Variants in BAIAP2L1 observed in about 807,000 individuals in gnomAD.
The protein encoded by BAIAP2L1 is BAR/IMD domain-containing adapter protein 2-like 1.
A neutral mutation model predicts 66.3 loss-of-function variants in BAIAP2L1; 35 were observed. That is an observed-to-expected ratio of 0.53 (90% confidence interval 0.40 to 0.70). The LOEUF (loss-of-function observed/expected upper bound fraction) is 0.70. Ranked by LOEUF, BAIAP2L1 falls within the 30% of genes least tolerant of loss-of-function variation. The pLI is 0.00. For synonymous variants in BAIAP2L1, 269 were observed against 248.7 expected (o/e 1.08, Z -0.77); for missense variants, 622 against 656.9 (o/e 0.95, Z 0.58).
intron 7 of BAIAP2L1, 138 bp from the exon 8 acceptor site, chr7:98,312,402 A>T (rs1800906761): frequency 2.3e-6 from 2 of 853,192 alleles, no homozygotes; most frequent in African/African-American, 3.4e-5. Flanking sequence ...AAACTCGGTG[A>T]GCACTTTAAG....
At chr7:98,307,616 A>G in intron 10 of BAIAP2L1, 73 bp downstream of exon 10, 1 of 1,588,060 alleles carries the variant, frequency 6.3e-7, no homozygotes, top group South Asian at 1.1e-5. Flanking sequence ...CCACGAAGAC[A>G]GTTTGCAGCT....
Position 98,292,996 on chromosome 7 carries a change from CT to C in BAIAP2L1, c.*524del, listed in dbSNP as rs1388318776. ...TTTCTCCATCTCTGGAAGCTCTACA[CT>C]TAAACATTTTAAGTTAAATTACATT... On this transcript the variant is annotated 3_prime_UTR_variant, in exon 14 of 14. Transcript: ENST00000005260. 8.7e-7 allele frequency: 1 copy of C among 1,149,432 alleles called. No homozygotes were observed. Among genetic ancestry groups the C allele is most frequent in the Non-Finnish European group, 1.1e-6 (1 of 931,096 alleles). 71.2% of individuals were successfully genotyped at this position (1,149,432 alleles called of 1,614,324 possible).
In BAIAP2L1 at chr7:98,310,544, G is replaced by A. The variant is rs760386510; in HGVS notation, c.856C>T (p.Pro286Ser). ...GTATATGCTCTGCCTGAAGGAGCGGGGGGCATCTTTGGTGAGCATTTAGAA... is the reference window on the plus strand; with the variant it reads ...GTATATGCTCTGCCTGAAGGAGCGGAGGGCATCTTTGGTGAGCATTTAGAA... ...TLSKCSPKMP[P>S]APSGRAYTSP... Residue 286 changes from proline to serine, a missense_variant, in exon 9 of 14, where the codon CCC (proline) becomes TCC (serine). By Grantham distance (74) the Pro-to-Ser change is moderately conservative (BLOSUM62 -1). Coordinates refer to ENST00000005260, the MANE Select transcript of BAIAP2L1 (RefSeq NM_018842.5). 17 of 1,595,362 alleles carry A rather than the reference G, an allele frequency of 1.1e-5. No individual in the cohort carries two copies. The East Asian group carries it at 3.8e-4, about 36-fold the overall frequency.
At chr7:98,317,657 T>C (rs1014787621) in intron 5 of BAIAP2L1, among the ~76,000 whole-genome samples, 1 of 151,560 alleles carries the variant, frequency 6.6e-6, no homozygotes, top group East Asian at 1.9e-4. Context: ...ATCCACACAC[T>C]GGCTGGGACC....
chr7:98,339,115 C>T (rs1801679847), intron 3 of BAIAP2L1, among the ~76,000 whole-genome samples: 1 of 150,132 alleles, frequency 6.7e-6, no homozygotes, highest in South Asian at 2.1e-4. Flanking sequence ...GCATATGTTT[C>T]ATTTCCCTTG....
At chr7:98,354,029 G>T (rs949369372) in intron 3 of BAIAP2L1, among the ~76,000 whole-genome samples, 1 of 151,606 alleles carries the variant, frequency 6.6e-6, no homozygotes, top group Non-Finnish European at 1.5e-5. Flanking sequence ...TACATAGATC[G>T]CTTTCTCGCA....
rs1394001066 is a variant in BAIAP2L1 at position 98,400,842 on chromosome 7, C to A, written c.11G>T (p.Gly4Val). The A allele has an allele frequency of 1.3e-6, 2 of 1,545,066 alleles. No homozygotes were observed. The highest frequency in any genetic ancestry group is 1.7e-6 in the Non-Finnish European group (2 of 1,144,412). ...CGTGAGCCGGTTCACCTCCTCGGGC[C>A]CCCGGGACATGGCTGCGGCCGCCGG... Reference protein sequence around the residue: MSRGPEEVNRLTES... With the variant: MSRVPEEVNRLTES... The change falls in exon 1 of 14, where the codon GGG (glycine) becomes GTG (valine). Residue 4 changes from glycine (G) to valine (V), a missense_variant. By Grantham distance (109) the Gly-to-Val change is moderately radical (BLOSUM62 -3). Coordinates refer to ENST00000005260, the MANE Select transcript of BAIAP2L1 (RefSeq NM_018842.5).
intron 3 of BAIAP2L1, among the ~76,000 whole-genome samples, chr7:98,344,452 T>C (rs1379811970): frequency 6.6e-6 from 1 of 152,228 alleles, no homozygotes; most frequent in African/African-American, 2.4e-5. Flanking sequence ...TTCTGAATCA[T>C]CTATCTAATA....
At chr7:98,326,737 T>C (rs1420892057) in intron 3 of BAIAP2L1, among the ~76,000 whole-genome samples, 1 of 152,116 alleles carries the variant, frequency 6.6e-6, no homozygotes, top group Non-Finnish European at 1.5e-5. Context: ...TGGAAAATCA[T>C]CACCACAGGG....
intron 3 of BAIAP2L1, among the ~76,000 whole-genome samples, chr7:98,353,590 T>G (rs1033611692): frequency 7.3e-6 from 1 of 137,144 alleles, no homozygotes. Context: ...CATATATATT[T>G]ATATATGTAT....
intron 1 of BAIAP2L1, among the ~76,000 whole-genome samples, chr7:98,365,619 C>T (rs1331036105): frequency 6.6e-6 from 1 of 152,118 alleles, no homozygotes; most frequent in African/African-American, 2.4e-5. Flanking sequence ...GGGTGGATCA[C>T]AGGCATGCGC....
intron 3 of BAIAP2L1, among the ~76,000 whole-genome samples, chr7:98,345,403 AAAG>A (rs1801846282): frequency 2.6e-5 from 4 of 152,214 alleles, no homozygotes; most frequent in Admixed American, 2.6e-4. Flanking sequence ...ACATTTCTCC[AAAG>A]AAGATATGCA....
At chr7:98,329,772 C>A (rs374765736) in intron 3 of BAIAP2L1, among the ~76,000 whole-genome samples, 6 of 152,142 alleles carry the variant, frequency 3.9e-5, no homozygotes, top group African/African-American at 1.4e-4. Context: ...TGGCCTATCA[C>A]CCCACACCCA....
chr7:98,398,788 G>T (rs760800141), intron 1 of BAIAP2L1, among the ~76,000 whole-genome samples: 2 of 152,164 alleles, frequency 1.3e-5, no homozygotes, highest in Non-Finnish European at 2.9e-5. Context: ...TCAGGAAGAA[G>T]CGGGAGAAAA....
chr7:98,386,584 T>C (rs1172627199), intron 1 of BAIAP2L1: 13 of 1,596,504 alleles, frequency 8.1e-6, no homozygotes, highest in Non-Finnish European at 1.0e-5. Context: ...CCAACCGCCA[T>C]GGTGCTGGTC....
chr7:98,302,711 A>C (rs1475218360), intron 12 of BAIAP2L1, among the ~76,000 whole-genome samples: 39 of 152,222 alleles, frequency 2.6e-4, no homozygotes, highest in Admixed American at 2.5e-3. Context: ...GTAGCTAGAA[A>C]AGGCCTCACG....
intron 1 of BAIAP2L1, among the ~76,000 whole-genome samples, chr7:98,363,304 GGAT>G (rs1802317132): frequency 6.6e-6 from 1 of 151,938 alleles, no homozygotes; most frequent in East Asian, 1.9e-4. Flanking sequence ...CAAAATGCTG[GGAT>G]TACAGGCACG....
At chr7:98,376,592 A>T (rs1802636927) in intron 1 of BAIAP2L1, among the ~76,000 whole-genome samples, 1 of 148,674 alleles carries the variant, frequency 6.7e-6, no homozygotes, top group East Asian at 2.0e-4. Context: ...AGGCCGAGGC[A>T]GGCAGAACAC....
At chr7:98,352,041 A>G (rs965332663) in intron 3 of BAIAP2L1, among the ~76,000 whole-genome samples, 1 of 151,992 alleles carries the variant, frequency 6.6e-6, no homozygotes, top group Non-Finnish European at 1.5e-5. Context: ...AGACAATAAA[A>G]TCTTCTTGGA....
Sources: gnomAD v4.1 joint callset for allele counts (sites outside exome capture counted in the v4.1 genomes callset) on GRCh38, gnomAD v4.1.1 for gene constraint, MANE v1.5 for transcripts, NCBI Gene and HGNC (gene_info 2026-07-23, HGNC 2026-07-21) for gene names.